Variants in ATP2A3 observed in about 807,000 individuals in gnomAD.
ATP2A3 encodes ATPase sarcoplasmic/endoplasmic reticulum Ca2+ transporting 3.
In ATP2A3, 61 loss-of-function variants were observed where a neutral mutation model predicts 106.8. The ratio of observed to expected loss-of-function variants is 0.57; its 90% CI spans 0.46 to 0.71. The LOEUF (loss-of-function observed/expected upper bound fraction) is 0.71. ATP2A3 is among the 30% of genes least tolerant of loss of function. The probability of loss-of-function intolerance (pLI) is 0.00; values close to 1 mark genes in which losing one functional copy is unlikely to be tolerated. For synonymous variants in ATP2A3, 611 were observed against 609.3 expected (o/e 1.00, Z -0.04); for missense variants, 1,201 against 1,423.5 (o/e 0.84, Z 2.52).
chr17:3,940,736 G>C (rs1039187600), intron 14 of ATP2A3, among the ~76,000 whole-genome samples: 1 of 152,146 alleles, frequency 6.6e-6, no homozygotes, highest in Non-Finnish European at 1.5e-5. Context: ...TCGAACTCCT[G>C]ACCTCAACTG....
intron 12 of ATP2A3, among the ~76,000 whole-genome samples, 165 bp downstream of exon 12, chr17:3,942,441 T>C (rs917738842): frequency 3.3e-5 from 5 of 152,000 alleles, no homozygotes; most frequent in African/African-American, 1.2e-4. Flanking sequence ...GCACCAAGGG[T>C]GGCACCAACC....
chr17:3,945,989 T>A (rs1262659769), intron 8 of ATP2A3, among the ~76,000 whole-genome samples: 1 of 152,232 alleles, frequency 6.6e-6, no homozygotes, highest in African/African-American at 2.4e-5. Context: ...GGCTCACGCC[T>A]GTAATCCCAG....
At chr17:3,931,315 A>G (rs1003209926) in intron 17 of ATP2A3, among the ~76,000 whole-genome samples, 1 of 152,070 alleles carries the variant, frequency 6.6e-6, no homozygotes, top group Non-Finnish European at 1.5e-5. Context: ...GATAACCCCT[A>G]TAGCCTCAGG....
rs914425836 is a variant in ATP2A3, at chr17:3,929,732, T to C, written c.2745-287A>G. 2.0e-5 allele frequency among the ~76,000 whole-genome samples: 3 copies of C among 152,052 alleles called. No homozygotes were observed. The highest frequency in any genetic ancestry group is 7.2e-5 in the African/African-American group (3 of 41,390). On this transcript the variant is annotated intron_variant, in intron 18 of 20. Transcript: ENST00000397041. The surrounding 1 kb of genome is among the most constrained non-coding windows in gnomAD (Gnocchi z 4.3). ...GGCCCCTTTGACCCTTAGGCCCCAA[T>C]CCAGATCCCCAAATCTTTGGATCCC...
chr17:3,948,851 A>C (rs1050450148), intron 7 of ATP2A3, among the ~76,000 whole-genome samples: 2 of 151,594 alleles, frequency 1.3e-5, no homozygotes, highest in Non-Finnish European at 1.5e-5. Context: ...GTTCTGGGCC[A>C]GGTGCAGTGG....
rs67730207 is a variant in ATP2A3, at chr17:3,955,887, ATTTTT to A, written c.119-2182_119-2178del. ...CCTTTCTCTTATTTTATTTTATTTT[ATTTTT>A]TTTTTTTGAGATGGAGTCTTGCTCT... On this transcript the variant is annotated intron_variant, in intron 1 of 20. Coordinates refer to ENST00000397041, the MANE Select transcript of ATP2A3 (RefSeq NM_005173.4). The surrounding 1 kb of genome is among the most constrained non-coding windows in gnomAD (Gnocchi z 4.2). Among the ~76,000 whole-genome samples, 9 of 144,026 alleles carry A rather than the reference ATTTTT, an allele frequency of 6.2e-5. No homozygotes were observed. The highest frequency in any genetic ancestry group is 1.9e-4 in the African/African-American group (7 of 37,626). The allele number at this position is 144,026 out of a possible 152,430, so 94.5% of individuals were successfully genotyped here. A position where few individuals can be genotyped will look rare whatever the true frequency, so the allele number is the denominator to read the frequency against.
rs148412648 is a variant in ATP2A3, at chr17:3,943,392, G to A, written c.1418C>T (p.Thr473Met). Reference protein sequence around the residue: ...SRVERAGACNTVIKQLMRKEF... With the variant: ...SRVERAGACNMVIKQLMRKEF... ...GCCTGAGCCCCCAGCCCTGCTCACC[G>A]TGTTACAGGCGCCAGCTCGCTCCAC... The change falls in exon 11 of 21, where the codon ACG becomes ATG. Residue 473 changes from threonine to methionine, a missense_variant and splice_region_variant. This residue lies in a region of ATP2A3 where 935 missense variants were observed against 1,176.7 expected (regional missense o/e 0.79). Coordinates refer to ENST00000397041, the MANE Select transcript of ATP2A3 (RefSeq NM_005173.4). 33 of 1,613,472 alleles carry A rather than the reference G, an allele frequency of 2.0e-5. No individual in the cohort carries two copies. The African/African-American group carries it at 3.7e-4, about 18-fold the overall frequency.
chr17:3,951,200 T>C (rs552072570), intron 5 of ATP2A3, 51 bp downstream of exon 5: 2 of 1,210,210 alleles, frequency 1.7e-6, no homozygotes, highest in African/African-American at 1.6e-5. Flanking sequence ...ATAAATAAAA[T>C]AAATAAATAA....
intron 4 of ATP2A3, 90 bp downstream of exon 4, chr17:3,951,489 GGA>G: frequency 1.3e-6 from 2 of 1,592,466 alleles, no homozygotes; most frequent in South Asian, 2.2e-5. Flanking sequence ...GGTGGAAGCA[GGA>G]GAGTCTGCAG....
At position 3,944,811 on chromosome 17, in the gene ATP2A3, G is replaced by A. The variant is rs543133023; in HGVS notation, c.1185-5C>T. 103 of 1,606,794 alleles carry A rather than the reference G, an allele frequency of 6.4e-5. No homozygotes were observed. In the South Asian group the frequency reaches 9.4e-4, roughly 15 times the overall value. ...ACAGGCTGATCCCCCTGCCGCCTGC[G>A]GAGCCGGGGCGGTCACCAGGAGGAC... On this transcript the variant is annotated splice_region_variant and splice_polypyrimidine_tract_variant and intron_variant, in intron 9 of 20. Coordinates refer to ENST00000397041, the MANE Select transcript of ATP2A3 (RefSeq NM_005173.4).
At chr17:3,951,545 C>CCCCCCCCCCCCCCCCCCCCCCCCCCCCA in intron 4 of ATP2A3, 36 bp downstream of exon 4, 2 of 1,351,108 alleles carry the variant, frequency 1.5e-6, no homozygotes, top group Non-Finnish European at 2.0e-6. Flanking sequence ...GCTGGGAGAC[C>CCCCCCCCCCCCCCCCCCCCCCCCCCCCA]GCCCCCCGCC....
Position 3,950,532 on chromosome 17 carries a change from G to A in ATP2A3, c.609C>T (p.Asp203=), listed in dbSNP as rs77891411. The A allele has an allele frequency of 3.5e-4, 558 of 1,614,142 alleles. 2 individuals carry two copies. The African/African-American group carries it at 5.7e-3, about 16-fold the overall frequency. Residue 203 remains aspartate, a synonymous_variant, in exon 7 of 21, where the codon GAC becomes GAT. Transcript: ENST00000397041. ...AIPDPRAVNQ[D]KKNMLFSGTN... ...TTACAGAAAACAGCATGTTCTTCTT[G>A]TCCTGGTTCACAGCTCTGGGGTCTG...
chr17:3,933,762 C>A (rs1355856748), intron 17 of ATP2A3, among the ~76,000 whole-genome samples: 3 of 151,082 alleles, frequency 2.0e-5, no homozygotes, highest in Non-Finnish European at 4.4e-5. Flanking sequence ...AAAGACAGTG[C>A]GTCGGGCTGG....
At chr17:3,952,558 G>GTGCC (rs1399391499) in intron 3 of ATP2A3, among the ~76,000 whole-genome samples, 1 of 152,258 alleles carries the variant, frequency 6.6e-6, no homozygotes, top group Non-Finnish European at 1.5e-5. Context: ...CAGGGACAAG[G>GTGCC]TGCCCCCCAG....
At chr17:3,934,680 C>T (rs995431257) in intron 17 of ATP2A3, among the ~76,000 whole-genome samples, 24 of 151,950 alleles carry the variant, frequency 1.6e-4, no homozygotes, top group Non-Finnish European at 1.8e-4. Flanking sequence ...TGCACCACCA[C>T]GCCCAGCTAA....
rs1235300336 is a variant in ATP2A3 at position 3,953,855 on chromosome 17, G to A, written c.119-145C>T. ...ACTGGATGTATCCCCAGGGCTCTCT[G>A]AGGCCACAGGATAAATGGTTTGAGC... On this transcript the variant is annotated intron_variant, in intron 1 of 20. Coordinates refer to ENST00000397041, the MANE Select transcript of ATP2A3 (RefSeq NM_005173.4). The surrounding 1 kb of genome is among the most constrained non-coding windows in gnomAD (Gnocchi z 5.1). 7 of 887,078 alleles carry A rather than the reference G, an allele frequency of 7.9e-6. No homozygotes were observed. The highest frequency in any genetic ancestry group is 1.3e-5 in the Non-Finnish European group (7 of 545,326). 55.0% of individuals were successfully genotyped at this position (887,078 alleles called of 1,614,324 possible).
At position 3,936,443 on chromosome 17, in the gene ATP2A3, A is replaced by G; in HGVS notation, c.2348T>C (p.Leu783Pro). The change falls in exon 16 of 21, where the codon CTG becomes CCG. Residue 783 changes from leucine to proline, a missense_variant. Coordinates refer to ENST00000397041, the MANE Select transcript of ATP2A3 (RefSeq NM_005173.4). The surrounding 1 kb of genome is among the most constrained non-coding windows in gnomAD (Gnocchi z 5.4). ...VCIFLTAILG[L>P]PEALIPVQLL... ...CTGCACAGGGATCAGGGCTTCGGGC[A>G]GGCCCAGAATTGCCGTGAGGAAGAT... is the stretch of plus-strand genomic sequence containing the variant. 6.2e-7 allele frequency: 1 copy of G among 1,614,106 alleles called. No individual in the cohort carries two copies. The highest frequency in any genetic ancestry group is 8.5e-7 in the Non-Finnish European group (1 of 1,180,018).
chr17:3,958,795 T>TATATACACACACACAC lies in ATP2A3; in HGVS notation c.119-5086_119-5085insGTGTGTGTGTGTATAT, dbSNP rs1567726574. On this transcript the variant is annotated intron_variant, in intron 1 of 20. Coordinates refer to ENST00000397041, the MANE Select transcript of ATP2A3 (RefSeq NM_005173.4). Reference sequence around the variant, plus strand: ...ATATACACACACATATATATACACATATATATACACACATATATATATACA... The same window carrying TATATACACACACACAC: ...ATATACACACACATATATATACACATATATACACACACACACATATATACACACATATATATATACA... Among the ~76,000 whole-genome samples, 154 of 141,260 alleles carry TATATACACACACACAC rather than the reference T, an allele frequency of 1.1e-3. 1 individual carries two copies. The highest frequency in any genetic ancestry group is 3.9e-3 in the African/African-American group (148 of 37,898). 92.7% of individuals were successfully genotyped at this position (141,260 alleles called of 152,430 possible). A position where few individuals can be genotyped will look rare whatever the true frequency, so the allele number is the denominator to read the frequency against.
intron 1 of ATP2A3, among the ~76,000 whole-genome samples, chr17:3,958,612 T>G (rs982852739): frequency 6.6e-6 from 1 of 151,758 alleles, no homozygotes; most frequent in Non-Finnish European, 1.5e-5. Flanking sequence ...TTAGTGTATT[T>G]GTAATTGACA....
Sources: gnomAD v4.1 joint callset for allele counts (sites outside exome capture counted in the v4.1 genomes callset) on GRCh38, gnomAD v4.1.1 for gene constraint, gnomAD v4.1.1 regional missense constraint, Gnocchi (gnomAD v3.1) non-coding constraint, MANE v1.5 for transcripts, NCBI Gene and HGNC (gene_info 2026-07-23, HGNC 2026-07-21) for gene names.